Variants in ILDR1 observed in about 807,000 individuals in gnomAD.
ILDR1 encodes immunoglobulin-like domain-containing receptor 1.
A neutral mutation model predicts 62.4 loss-of-function variants in ILDR1; 56 were observed. That is an observed-to-expected ratio of 0.90 (90% CI 0.72 to 1.12). The LOEUF (loss-of-function observed/expected upper bound fraction) is 1.12. Ranked by LOEUF, ILDR1 falls within the 50% of genes most tolerant of loss-of-function variation. The pLI is 0.00. For missense variants in ILDR1, 736 were observed against 710.6 expected, an observed-to-expected ratio of 1.04 and a Z score of -0.41; for synonymous variants, 284 against 277.8, an observed-to-expected ratio of 1.02 and a Z score of -0.22.
intron 6 of ILDR1, 74 bp from the exon 7 acceptor site, chr3:121,994,044 G>A (rs1010537064): frequency 1.3e-6 from 2 of 1,520,688 alleles, no homozygotes; most frequent in East Asian, 2.3e-5. Flanking sequence ...ACATCAAAAT[G>A]TGACATTGGT....
At chr3:122,060,340 T>C in the ILDR1 span, among the ~76,000 whole-genome samples, 1 of 152,074 alleles carries the variant, frequency 6.6e-6, no homozygotes, top group African/African-American at 2.4e-5. Flanking sequence ...TTGGAGAGCT[T>C]GGAAAATGGA....
chr3:122,020,287 TATGAG>T (rs1377395398), intron 1 of ILDR1, among the ~76,000 whole-genome samples: 1 of 152,264 alleles, frequency 6.6e-6, no homozygotes, highest in South Asian at 2.1e-4. Flanking sequence ...ACAAAAGCTG[TATGAG>T]ATATGTACTA....
intron 1 of ILDR1, among the ~76,000 whole-genome samples, chr3:122,021,389 A>G (rs2071852747): frequency 6.6e-6 from 1 of 152,238 alleles, no homozygotes; most frequent in African/African-American, 2.4e-5. Context: ...TTTCCAAAAC[A>G]GAGAGGAGAT....
the ILDR1 span, among the ~76,000 whole-genome samples, chr3:122,050,369 A>G: frequency 2.6e-5 from 4 of 151,996 alleles, no homozygotes; most frequent in East Asian, 5.8e-4. Context: ...TTTGTGTTTC[A>G]TGGATTTTTT....
At position 121,993,232 on chromosome 3, in the gene ILDR1, T is replaced by A. The variant is rs747787444; in HGVS notation, c.1517A>T (p.Glu506Val). 1.9e-6 allele frequency: 3 copies of A among 1,613,986 alleles called. 1 individual carries two copies. In the South Asian group the frequency reaches 3.3e-5, roughly 18 times the overall value. Residue 506 changes from glutamate to valine, a missense_variant, in exon 7 of 8, where the codon GAG becomes GTG. By Grantham distance (121) the Glu-to-Val change is moderately radical (BLOSUM62 -2). Transcript: ENST00000344209. ...TGAGCGGTAGCTAGGCGGCTTCTCC[T>A]CGGGCCAGTGTGGGGAGTGCGAGCC... ...RRGSHSPHWP[E>V]EKPPSYRSLD...
chr3:121,990,896 G>A (rs187591327), intron 7 of ILDR1, among the ~76,000 whole-genome samples: 1 of 152,178 alleles, frequency 6.6e-6, no homozygotes, highest in Non-Finnish European at 1.5e-5. Flanking sequence ...ATAGTTGTGA[G>A]GATTAAATGA....
chr3:122,001,797 A>G lies in ILDR1; in HGVS notation c.447T>C (p.Ala149=). The G allele has an allele frequency of 6.2e-7, 1 of 1,613,146 alleles. No homozygotes were observed. Among genetic ancestry groups the G allele is most frequent in the Non-Finnish European group, 8.5e-7 (1 of 1,179,918 alleles). ...CGGGGTCTCCTGATGTGTCCCCTGG[A>G]GCCTCAATGGTGCAGTAATACACTC... ...DHGVYYCTIE[A]PGDTSGDPDK... is the part of the protein sequence containing the mutation. The change falls in exon 4 of 8, where the codon GCT becomes GCC. Residue 149 remains alanine (A), a synonymous_variant. Transcript: ENST00000344209.
intron 5 of ILDR1, among the ~76,000 whole-genome samples, chr3:122,000,245 T>G (rs1448627165): frequency 6.7e-6 from 1 of 148,716 alleles, no homozygotes; most frequent in African/African-American, 2.5e-5. Context: ...AAAAATTAAG[T>G]TAAGGAGGAA....
At chr3:122,042,741 C>T in the ILDR1 span, among the ~76,000 whole-genome samples, 481 of 152,056 alleles carry the variant, frequency 3.2e-3, no homozygotes, top group East Asian at 9.8e-3. Flanking sequence ...TCATGTCCTT[C>T]GCCCACTTTT....
rs139306910 is a variant in ILDR1 at position 122,000,566 on chromosome 3, G to A, written c.646+742C>T. On this transcript the variant is annotated intron_variant, in intron 5 of 7. Coordinates refer to ENST00000344209, the MANE Select transcript of ILDR1 (RefSeq NM_001199799.2). ...TTTAAATATTCTTTGTAATAAGTGG[G>A]TAAACATAAGTAAACTGTTTCCTTA... 7.0e-3 allele frequency among the ~76,000 whole-genome samples: 1,066 copies of A among 152,296 alleles called. 12 individuals carry two copies. Among genetic ancestry groups the A allele is most frequent in the African/African-American group, 0.024 (996 of 41,556 alleles).
intron 5 of ILDR1, among the ~76,000 whole-genome samples, chr3:121,999,316 T>G (rs1411782692): frequency 1.3e-5 from 2 of 152,310 alleles, no homozygotes; most frequent in South Asian, 4.1e-4. Context: ...AGTACTTTAT[T>G]TAGATCATCT....
chr3:121,988,921 C>CT (rs1359527145), intron 7 of ILDR1, among the ~76,000 whole-genome samples: 13 of 152,142 alleles, frequency 8.5e-5, no homozygotes, highest in Admixed American at 3.9e-4. Flanking sequence ...AACTCAGTGG[C>CT]TTTTTTTCAG....
At chr3:122,046,874 A>G in the ILDR1 span, among the ~76,000 whole-genome samples, 1 of 145,096 alleles carries the variant, frequency 6.9e-6, no homozygotes, top group Non-Finnish European at 1.5e-5. Context: ...ATGTCCTCCC[A>G]TAGCTCAGAG....
intron 1 of ILDR1, among the ~76,000 whole-genome samples, chr3:122,016,129 C>T (rs1411042963): frequency 6.6e-6 from 1 of 152,236 alleles, no homozygotes; most frequent in Non-Finnish European, 1.5e-5. Context: ...ACATTCTTCT[C>T]ATCTCTCATA....
At chr3:122,046,249 C>G in the ILDR1 span, among the ~76,000 whole-genome samples, 3 of 149,736 alleles carry the variant, frequency 2.0e-5, no homozygotes, top group Non-Finnish European at 4.5e-5. Context: ...TATCGGCCCC[C>G]ACTCTCTTCT....
chr3:122,026,815 T>C (rs2071924958), upstream of ILDR1, among the ~76,000 whole-genome samples: 1 of 152,204 alleles, frequency 6.6e-6, no homozygotes, highest in Non-Finnish European at 1.5e-5. Context: ...TTATACTGGA[T>C]ATTCTAGCCA....
At chr3:121,992,791 C>G (rs1170119339) in intron 7 of ILDR1, among the ~76,000 whole-genome samples, 1 of 152,172 alleles carries the variant, frequency 6.6e-6, no homozygotes, top group Non-Finnish European at 1.5e-5. Context: ...AGGTGAGGCT[C>G]TAGCCACAAC....
At chr3:122,034,734 A>T in the ILDR1 span, among the ~76,000 whole-genome samples, 1 of 152,198 alleles carries the variant, frequency 6.6e-6, no homozygotes, top group African/African-American at 2.4e-5. Context: ...TTACAAAAGA[A>T]AGAGGCTTAA....
At chr3:122,005,218 T>TG in intron 3 of ILDR1, 26 bp downstream of exon 3, 8 of 1,345,208 alleles carry the variant, frequency 5.9e-6, no homozygotes, top group South Asian at 1.2e-5. Context: ...CACCCCCAGT[T>TG]CCCCTGACAC....
Sources: allele counts gnomAD v4.1 joint callset (sites outside exome capture counted in the v4.1 genomes callset), GRCh38; gene constraint gnomAD v4.1.1; transcripts MANE v1.5; gene names NCBI Gene and HGNC (gene_info 2026-07-23, HGNC 2026-07-21).